AKIRIN2: variants seen among roughly 807,000 people sequenced by gnomAD.
AKIRIN2 encodes akirin-2.
In AKIRIN2, 6 loss-of-function variants were observed where a neutral mutation model predicts 29.3. The observed-to-expected ratio is 0.20, with a 90% CI of 0.11 to 0.40. AKIRIN2 has a LOEUF of 0.40. Ranked by LOEUF, AKIRIN2 falls within the 10% of genes least tolerant of loss-of-function variation. The pLI, the probability that AKIRIN2 is intolerant of heterozygous loss-of-function variation, is 1.00. For missense variants in AKIRIN2, 210 were observed against 276.1 expected (o/e 0.76, Z 1.70); for synonymous variants, 128 against 117.5 (o/e 1.09, Z -0.58).
chr6:87,693,885 C>T (rs530072755), intron 1 of AKIRIN2, among the ~76,000 whole-genome samples: 8 of 152,224 alleles, frequency 5.3e-5, no homozygotes, highest in Non-Finnish European at 1.0e-4. Context: ...TCTATCATAG[C>T]AACTAAAATC....
chr6:87,701,958 C>A lies in AKIRIN2; in HGVS notation c.-274G>T. ...CAGTCGCGTCAGGGGGGTTCTTCCG[C>A]CTCCTCAGGCGCGGCTCCCCCGAGA... is the stretch of plus-strand genomic sequence containing the variant. On this transcript the variant is annotated 5_prime_UTR_variant, in exon 1 of 5. Transcript: ENST00000257787. The A allele has an allele frequency of 1.3e-5, 5 of 399,210 alleles. No homozygotes were observed. Among genetic ancestry groups the A allele is most frequent in the Non-Finnish European group, 1.3e-5 (3 of 226,404 alleles). The allele number at this position is 399,210 out of a possible 1,614,324, so 24.7% of individuals were successfully genotyped here.
chr6:87,683,767 C>T (rs549100451), intron 1 of AKIRIN2, among the ~76,000 whole-genome samples: 9 of 152,246 alleles, frequency 5.9e-5, no homozygotes, highest in African/African-American at 1.4e-4. Context: ...AATTCTCCTG[C>T]GTCAGCCTCC....
At chr6:87,695,906 A>C (rs1209396651) in intron 1 of AKIRIN2, among the ~76,000 whole-genome samples, 1 of 152,236 alleles carries the variant, frequency 6.6e-6, no homozygotes, top group Non-Finnish European at 1.5e-5. Flanking sequence ...TGCCGGGCAC[A>C]GTGGCTCAAA....
chr6:87,689,808 G>A (rs1444340558), intron 1 of AKIRIN2, among the ~76,000 whole-genome samples: 1 of 152,238 alleles, frequency 6.6e-6, no homozygotes, highest in Non-Finnish European at 1.5e-5. Context: ...TCCTTATGAG[G>A]TGATGCTGCC....
Position 87,701,453 on chromosome 6 carries a change from T to C in AKIRIN2, c.232A>G (p.Thr78Ala), listed in dbSNP as rs1562402533. The C allele has an allele frequency of 2.6e-6, 4 of 1,530,022 alleles. No individual in the cohort carries two copies. Among genetic ancestry groups the C allele is most frequent in the East Asian group, 2.6e-5 (1 of 38,336 alleles). The allele number at this position is 1,530,022 out of a possible 1,614,324, so 94.8% of individuals were successfully genotyped here. Residue 78 changes from threonine (T) to alanine (A), a missense_variant, in exon 1 of 5, where the codon ACA becomes GCA. Around this residue, in one of 2 missense-constraint regions of AKIRIN2, gnomAD observed 199 missense variants for 236.5 expected, o/e 0.84. Coordinates refer to ENST00000257787, the MANE Select transcript of AKIRIN2 (RefSeq NM_018064.4). ...PFGDVSSRLT[T>A]EQILYNIKQE... ...CGGCCGCGGGGCCGGGTCCCACCTG[T>C]GGTGAGGCGGGAGGAGACGTCGCCG... is the stretch of plus-strand genomic sequence containing the variant.
intron 1 of AKIRIN2, among the ~76,000 whole-genome samples, chr6:87,685,711 G>C (rs1771176200): frequency 6.6e-6 from 1 of 152,050 alleles, no homozygotes; most frequent in African/African-American, 2.4e-5. Context: ...GCACACAAAT[G>C]GCTATATATT....
intron 1 of AKIRIN2, among the ~76,000 whole-genome samples, chr6:87,687,118 C>T (rs972685921): frequency 2.0e-5 from 3 of 148,382 alleles, no homozygotes; most frequent in East Asian, 2.0e-4. Flanking sequence ...GAAACCTGTA[C>T]ATAATTAAGT....
rs772319870 is a variant in AKIRIN2, at chr6:87,681,649, G to C, written c.350C>G (p.Ala117Gly). 1 of 1,611,542 alleles carries C rather than the reference G, an allele frequency of 6.2e-7. No individual in the cohort carries two copies. Among genetic ancestry groups the C allele is most frequent in the Non-Finnish European group, 8.5e-7 (1 of 1,179,386 alleles). Residue 117 changes from alanine (A) to glycine (G), a missense_variant, in exon 2 of 5, where the codon GCA becomes GGA. Physicochemically the swap from Ala to Gly is moderately conservative, Grantham distance 60. Around this residue, in one of 2 missense-constraint regions of AKIRIN2, gnomAD observed 199 missense variants for 236.5 expected, o/e 0.84. Transcript: ENST00000257787. ...PCCTSDAQPHAFLLSGPASPG... is the reference protein window; with the variant it reads ...PCCTSDAQPHGFLLSGPASPG... ...TGAAGCTGGTCCACTGAGGAGAAATGCATGTGGCTGTGCATCAGAAGTACA... is the reference window on the plus strand; with the variant it reads ...TGAAGCTGGTCCACTGAGGAGAAATCCATGTGGCTGTGCATCAGAAGTACA...
Position 87,675,508 on chromosome 6 carries a change from G to T in AKIRIN2, c.*89C>A. 6.5e-7 allele frequency: 1 copy of T among 1,527,510 alleles called. No homozygotes were observed. The highest frequency in any genetic ancestry group is 9.1e-7 in the Non-Finnish European group (1 of 1,102,444). The allele number at this position is 1,527,510 out of a possible 1,614,324, so 94.6% of individuals were successfully genotyped here. On this transcript the variant is annotated 3_prime_UTR_variant, in exon 5 of 5. Coordinates refer to ENST00000257787, the MANE Select transcript of AKIRIN2 (RefSeq NM_018064.4). ...TTGAAATAACCTGTATTCACAGAAG[G>T]GGTATTGGCATTGCTGCATGTCATA...
In AKIRIN2 at chr6:87,701,569, G is replaced by A; in HGVS notation, c.116C>T (p.Ser39Phe). 7.1e-7 allele frequency: 1 copy of A among 1,416,036 alleles called. No homozygotes were observed. Among genetic ancestry groups the A allele is most frequent in the Non-Finnish European group, 9.2e-7 (1 of 1,086,366 alleles). The allele number at this position is 1,416,036 out of a possible 1,614,324, so 87.7% of individuals were successfully genotyped here. Residue 39 changes from serine to phenylalanine, a missense_variant, in exon 1 of 5, where the codon TCC becomes TTC. By Grantham distance (155) the Ser-to-Phe change is radical (BLOSUM62 -2). Around this residue, in one of 2 missense-constraint regions of AKIRIN2, gnomAD observed 199 missense variants for 236.5 expected, o/e 0.84. Coordinates refer to ENST00000257787, the MANE Select transcript of AKIRIN2 (RefSeq NM_018064.4). ...GGTGGCCGCGGCCGCCGACAACGGG[G>A]AGGCAGCGGCCGAGGTGGGCGCCGA... ...PLSAPTSAAA[S>F]PLSAAAATAA...
intron 1 of AKIRIN2, among the ~76,000 whole-genome samples, chr6:87,689,043 T>C (rs912598700): frequency 2.0e-5 from 3 of 152,182 alleles, no homozygotes; most frequent in Admixed American, 1.3e-4. Flanking sequence ...GGAAGATAAA[T>C]GAATGCCTTT....
chr6:87,702,025 G>A lies in AKIRIN2; in HGVS notation c.-341C>T, dbSNP rs1472387399. 2.5e-6 allele frequency: 1 copy of A among 403,986 alleles called. No homozygotes were observed. The highest frequency in any genetic ancestry group is 4.4e-6 in the Non-Finnish European group (1 of 229,156). 25.0% of individuals were successfully genotyped at this position (403,986 alleles called of 1,614,324 possible). A position where few individuals can be genotyped will look rare whatever the true frequency, so the allele number is the denominator to read the frequency against. The stretch of plus-strand genomic sequence containing the variant: ...CCGCCGTCCGCTCGAGCTTTGCGCC[G>A]CGCCTGAGGCGCTTCTGTGCTGAGA... On this transcript the variant is annotated 5_prime_UTR_variant, in exon 1 of 5. Transcript: ENST00000257787.
chr6:87,701,702 G>A lies in AKIRIN2; in HGVS notation c.-18C>T. On this transcript the variant is annotated 5_prime_UTR_variant, in exon 1 of 5. Transcript: ENST00000257787. ...CACGCCATGGCCGGGGGCAGCTGAG[G>A]CGCCGGGCTCGGGTGGGGTCGGGGA... 2 of 1,434,648 alleles carry A rather than the reference G, an allele frequency of 1.4e-6. No homozygotes were observed. The highest frequency in any genetic ancestry group is 3.0e-5 in the South Asian group (2 of 65,782). The allele number at this position is 1,434,648 out of a possible 1,614,324, so 88.9% of individuals were successfully genotyped here.
intron 1 of AKIRIN2, among the ~76,000 whole-genome samples, chr6:87,683,373 G>C (rs1168167441): frequency 6.6e-6 from 1 of 152,124 alleles, no homozygotes; most frequent in Non-Finnish European, 1.5e-5. Context: ...TACGGGTTAT[G>C]CTCATTTTCA....
intron 1 of AKIRIN2, among the ~76,000 whole-genome samples, chr6:87,682,029 T>C (rs370761855): frequency 1.4e-4 from 22 of 152,324 alleles, no homozygotes; most frequent in East Asian, 1.3e-3. Context: ...AAAATAATGG[T>C]CAAGGAGTCT....
intron 2 of AKIRIN2, among the ~76,000 whole-genome samples, chr6:87,679,201 G>A (rs2128300999): frequency 6.6e-6 from 1 of 151,608 alleles, no homozygotes; most frequent in East Asian, 1.9e-4. Flanking sequence ...AAAAAAGAAG[G>A]TACAGCATGA....
intron 1 of AKIRIN2, among the ~76,000 whole-genome samples, chr6:87,692,976 C>A (rs1488640676): frequency 6.6e-6 from 1 of 152,148 alleles, no homozygotes; most frequent in Non-Finnish European, 1.5e-5. Context: ...CGCCTGTAAT[C>A]CCAGCACTTT....
intron 1 of AKIRIN2, among the ~76,000 whole-genome samples, chr6:87,684,776 G>C (rs778343602): frequency 2.0e-4 from 30 of 152,102 alleles, no homozygotes; most frequent in Non-Finnish European, 2.4e-4. Flanking sequence ...CCTTTCTCCT[G>C]TTAATGGACA....
In AKIRIN2 at chr6:87,701,442, G is replaced by A; in HGVS notation, c.235+8C>T. On this transcript the variant is annotated splice_region_variant and intron_variant, in intron 1 of 4. Transcript: ENST00000257787. Reference sequence around the variant, plus strand: ...CACTACCCCGGCGGCCGCGGGGCCGGGTCCCACCTGTGGTGAGGCGGGAGG... The same window carrying A: ...CACTACCCCGGCGGCCGCGGGGCCGAGTCCCACCTGTGGTGAGGCGGGAGG... 6.5e-7 allele frequency: 1 copy of A among 1,531,194 alleles called. No homozygotes were observed. Among genetic ancestry groups the A allele is most frequent in the Non-Finnish European group, 8.8e-7 (1 of 1,140,988 alleles). The allele number at this position is 1,531,194 out of a possible 1,614,324, so 94.9% of individuals were successfully genotyped here. A position where few individuals can be genotyped will look rare whatever the true frequency, so the allele number is the denominator to read the frequency against.
Sources: allele counts gnomAD v4.1 joint callset (sites outside exome capture counted in the v4.1 genomes callset), GRCh38; gene constraint gnomAD v4.1.1; regional missense constraint gnomAD v4.1.1; transcripts MANE v1.5; gene names NCBI Gene and HGNC (gene_info 2026-07-23, HGNC 2026-07-21).